The following TTC6 variants were observed in gnomAD, a reference collection of about 807,000 sequenced individuals.
TTC6 encodes the protein tetratricopeptide repeat protein 6.
In TTC6, 172 loss-of-function variants were observed where a neutral mutation model predicts 210.4. The ratio of observed to expected loss-of-function variants is 0.82; its 90% CI spans 0.72 to 0.93. TTC6 has a LOEUF of 0.93. Ranked by LOEUF, TTC6 falls within the 40% of genes least tolerant of loss-of-function variation. The probability of loss-of-function intolerance (pLI) is 0.00; values close to 1 mark genes in which losing one functional copy is unlikely to be tolerated. For synonymous variants in TTC6, 804 were observed against 819.6 expected, an observed-to-expected ratio of 0.98 and a Z score of 0.32; for missense variants, 2,414 against 2,318.1, an observed-to-expected ratio of 1.04 and a Z score of -0.85.
chr14:37,838,447 C>A (rs1190045765), intron 29 of TTC6, among the ~76,000 whole-genome samples: 2 of 152,164 alleles, frequency 1.3e-5, no homozygotes, highest in Non-Finnish European at 1.5e-5. Flanking sequence ...GTTTTGCAGA[C>A]TAACTTGAGG....
At position 37,790,737 on chromosome 14, in the gene TTC6, G is replaced by T; in HGVS notation, c.3457G>T (p.Glu1153Ter). 6.5e-7 allele frequency: 1 copy of T among 1,534,068 alleles called. No homozygotes were observed. Among genetic ancestry groups the T allele is most frequent in the South Asian group, 1.2e-5 (1 of 83,710 alleles). Residue 1153 changes from glutamate (E) to a stop codon, truncating the protein, a stop_gained, in exon 16 of 31, where the codon GAG becomes TAG. Transcript: ENST00000553443. LOFTEE classifies it high-confidence loss of function. ...TTAAGCACTCATAAATGATGGCTAT[G>T]AGAATCTTGGTTGTTTTCTACATCG... is the stretch of plus-strand genomic sequence containing the variant.
At chr14:37,695,923 A>C (rs1427050307) in intron 3 of TTC6, among the ~76,000 whole-genome samples, 1 of 152,154 alleles carries the variant, frequency 6.6e-6, no homozygotes, top group Admixed American at 6.5e-5. Flanking sequence ...CCACAAAGTA[A>C]GTGCATAGAT....
At chr14:37,799,505 G>C (rs545867930) in intron 20 of TTC6, among the ~76,000 whole-genome samples, 2 of 152,148 alleles carry the variant, frequency 1.3e-5, no homozygotes, top group Non-Finnish European at 2.9e-5. Flanking sequence ...GTGACCTTGA[G>C]TGTGAGTGGA....
intron 14 of TTC6, among the ~76,000 whole-genome samples, chr14:37,772,883 A>G (rs138362079): frequency 3.4e-4 from 52 of 152,296 alleles, no homozygotes; most frequent in Middle Eastern, 6.8e-3. Context: ...CTAGCAGTCT[A>G]TAAGCATTCC....
chr14:37,817,297 A>G (rs545855397), intron 25 of TTC6, among the ~76,000 whole-genome samples: 2 of 152,346 alleles, frequency 1.3e-5, no homozygotes, highest in Admixed American at 1.3e-4. Context: ...TCAAAACCAT[A>G]GGAAAAAATC....
intron 24 of TTC6, among the ~76,000 whole-genome samples, chr14:37,810,730 A>C (rs1378942672): frequency 6.6e-6 from 1 of 152,198 alleles, no homozygotes; most frequent in Non-Finnish European, 1.5e-5. Context: ...TAGCCTGAGA[A>C]AAACCAAGTA....
intron 1 of TTC6, among the ~76,000 whole-genome samples, chr14:37,660,972 A>G (rs117778849): frequency 0.057 from 8,698 of 152,314 alleles, 381 homozygotes; most frequent in Non-Finnish European, 0.089. Context: ...TGCTGGCTAC[A>G]TGAATGTCTT....
Position 37,823,964 on chromosome 14 carries a change from T to G in TTC6, c.4974+7T>G. On this transcript the variant is annotated splice_region_variant and intron_variant, in intron 27 of 30. Coordinates refer to ENST00000553443, the Ensembl canonical transcript of TTC6. The stretch of plus-strand genomic sequence containing the variant: ...TTTTGGCTATAATTTGCAGGTAATA[T>G]AGCAACATTTTGAGCATTAAAAGCA... 1.9e-6 allele frequency: 3 copies of G among 1,612,214 alleles called. No individual in the cohort carries two copies. Among genetic ancestry groups the G allele is most frequent in the South Asian group, 1.1e-5 (1 of 90,860 alleles).
intron 6 of TTC6, among the ~76,000 whole-genome samples, chr14:37,715,575 A>G (rs2095851324): frequency 1.3e-5 from 2 of 152,186 alleles, no homozygotes; most frequent in African/African-American, 4.8e-5. Context: ...GAGGGGCATT[A>G]TATTAAGATA....
intron 3 of TTC6, among the ~76,000 whole-genome samples, chr14:37,690,428 G>A (rs181564788): frequency 6.6e-6 from 1 of 152,156 alleles, no homozygotes; most frequent in East Asian, 1.9e-4. Flanking sequence ...AATAGACACA[G>A]AGTGGCTGGA....
chr14:37,782,639 C>T (rs1566950870), intron 14 of TTC6, among the ~76,000 whole-genome samples: 1 of 152,094 alleles, frequency 6.6e-6, no homozygotes, highest in Non-Finnish European at 1.5e-5. Context: ...TGCCTAATTG[C>T]CCTGGCCAGA....
At chr14:37,750,964 C>A in intron 12 of TTC6, 89 bp from the exon 15 acceptor site, 1 of 720,320 alleles carries the variant, frequency 1.4e-6, no homozygotes, top group Non-Finnish European at 2.1e-6. Context: ...ATTTTGACTA[C>A]ATTTGTGGAG....
chr14:37,743,962 A>G (rs979612679), intron 10 of TTC6, among the ~76,000 whole-genome samples: 3 of 152,224 alleles, frequency 2.0e-5, no homozygotes, highest in Non-Finnish European at 4.4e-5. Context: ...GTTGTGCATT[A>G]TATGAAGAAA....
exon 26 of TTC6, chr14:37,817,603 G>A: frequency 6.2e-7 from 1 of 1,613,972 alleles, no homozygotes. Flanking sequence ...GCACTGATAA[G>A]CCGGACTAAC....
chr14:37,809,032 A>C (rs2096124259), intron 24 of TTC6, among the ~76,000 whole-genome samples, 186 bp downstream of exon 26: 1 of 152,176 alleles, frequency 6.6e-6, no homozygotes, highest in Non-Finnish European at 1.5e-5. Context: ...AGGAATTCCT[A>C]GGAAATACAC....
chr14:37,842,582 T>C (rs182292218), downstream of TTC6: 2 of 199,952 alleles, frequency 1.0e-5, no homozygotes, highest in Admixed American at 1.2e-4. Context: ...ACATTTAAAA[T>C]ATTTTCTTTA....
At chr14:37,774,471 G>C (rs1434509681) in intron 14 of TTC6, among the ~76,000 whole-genome samples, 1 of 151,646 alleles carries the variant, frequency 6.6e-6, no homozygotes, top group African/African-American at 2.4e-5. Context: ...TAACATAAAG[G>C]TTTCTGCGTC....
chr14:37,676,531 C>G (rs2095769969), intron 1 of TTC6, among the ~76,000 whole-genome samples: 1 of 151,968 alleles, frequency 6.6e-6, no homozygotes, highest in African/African-American at 2.4e-5. Context: ...TTACTTTCTT[C>G]ATCGTGTCCT....
intron 7 of TTC6, among the ~76,000 whole-genome samples, chr14:37,727,777 C>T (rs553439466): frequency 1.3e-5 from 2 of 151,984 alleles, no homozygotes; most frequent in Admixed American, 6.5e-5. Context: ...TTTGATACAC[C>T]ATAGTGTTTA....
Sources: gnomAD v4.1 joint callset for allele counts (sites outside exome capture counted in the v4.1 genomes callset) on GRCh38, gnomAD v4.1.1 for gene constraint, MANE v1.5 for transcripts, NCBI Gene and HGNC (gene_info 2026-07-23, HGNC 2026-07-21) for gene names.